The following FHIP1A variants were observed in gnomAD, a reference collection of about 807,000 sequenced individuals.
FHIP1A encodes FHF complex subunit HOOK interacting protein 1A, also known as FHF complex subunit HOOK-interacting protein 1A.
A neutral mutation model predicts 88.6 loss-of-function variants in FHIP1A; 61 were observed. That is an observed-to-expected ratio of 0.69 (90% CI 0.56 to 0.85). FHIP1A has a LOEUF of 0.85. Among genes scored for constraint, FHIP1A ranks in the 40% least tolerant of loss-of-function variants. The probability of loss-of-function intolerance (pLI) is 0.00; values close to 1 mark genes in which losing one functional copy is unlikely to be tolerated. For synonymous variants in FHIP1A, 478 were observed against 496.0 expected (o/e 0.96, Z 0.48); for missense variants, 1,154 against 1,273.5 (o/e 0.91, Z 1.43).
In FHIP1A at chr4:151,650,600, T is replaced by C; in HGVS notation, c.2551+8T>C. 7.2e-6 allele frequency: 11 copies of C among 1,538,276 alleles called. No individual in the cohort carries two copies. Among genetic ancestry groups the C allele is most frequent in the Non-Finnish European group, 8.8e-6 (10 of 1,140,812 alleles). ...AAAGCACCCCATTCACAGGTGACCA[T>C]CTTAAATTGCTTTGTGGTTTCTGCT... On this transcript the variant is annotated splice_region_variant and intron_variant, in intron 11 of 13. Coordinates refer to ENST00000435205, the MANE Select transcript of FHIP1A (RefSeq NM_001109977.3).
intron 4 of FHIP1A, among the ~76,000 whole-genome samples, chr4:151,570,703 C>T (rs1733568063): frequency 6.6e-6 from 1 of 152,210 alleles, no homozygotes; most frequent in Non-Finnish European, 1.5e-5. Flanking sequence ...TTGTAACTTA[C>T]ATCCCCATTG....
At chr4:151,494,900 C>T (rs1730406437) in intron 3 of FHIP1A, among the ~76,000 whole-genome samples, 2 of 152,248 alleles carry the variant, frequency 1.3e-5, no homozygotes, top group South Asian at 2.1e-4. Context: ...GTTTCACCTT[C>T]CTGGTTAGCT....
At chr4:151,596,118 G>T (rs1734638025) in intron 7 of FHIP1A, among the ~76,000 whole-genome samples, 1 of 152,174 alleles carries the variant, frequency 6.6e-6, no homozygotes, top group Admixed American at 6.5e-5. Flanking sequence ...TCTTCATAGT[G>T]TCAGTGGTCT....
rs1313944621 is a variant in FHIP1A, at chr4:151,649,936, A to G, written c.1895A>G (p.Tyr632Cys). The change falls in exon 11 of 14, where the codon TAC becomes TGC. Residue 632 changes from tyrosine (Y) to cysteine (C), a missense_variant. Coordinates refer to ENST00000435205, the MANE Select transcript of FHIP1A (RefSeq NM_001109977.3). Reference protein sequence around the residue: ...KNALLLFKGSYIEESDFQDDV... With the variant: ...KNALLLFKGSCIEESDFQDDV... ...GCCCTCCTGCTCTTCAAAGGGTCCT[A>G]CATAGAAGAGTCGGACTTTCAGGAT... 5.8e-6 allele frequency: 9 copies of G among 1,551,638 alleles called. No individual in the cohort carries two copies. Among genetic ancestry groups the G allele is most frequent in the Non-Finnish European group, 4.4e-6 (5 of 1,146,962 alleles).
At position 151,662,565 on chromosome 4, in the gene FHIP1A, G is replaced by C; in HGVS notation, c.2934G>C (p.Val978=). ...GKNLLDGPPR[V]LQPFLTHRTK... is the part of the protein sequence containing the mutation. ...ACCTTTTGGATGGACCTCCAAGAGTGCTTCAGCCCTTCCTGACCCACAGAA... is the reference window on the plus strand; with the variant it reads ...ACCTTTTGGATGGACCTCCAAGAGTCCTTCAGCCCTTCCTGACCCACAGAA... The change falls in exon 14 of 14, where the codon GTG becomes GTC. Residue 978 remains valine, a synonymous_variant. Transcript: ENST00000435205. The C allele has an allele frequency of 1.3e-6, 2 of 1,551,494 alleles. No individual in the cohort carries two copies. The highest frequency in any genetic ancestry group is 2.0e-5 in the Admixed American group (1 of 50,988).
In FHIP1A at chr4:151,665,928, G is replaced by A. The variant is rs995622028; in HGVS notation, c.*3174G>A. ...GGAAGAATGTAGGGGAAGAGAAACCGTGGGTACCGCCCGCTGGCGCAGCCC... is the reference window on the plus strand; with the variant it reads ...GGAAGAATGTAGGGGAAGAGAAACCATGGGTACCGCCCGCTGGCGCAGCCC... On this transcript the variant is annotated 3_prime_UTR_variant, in exon 14 of 14. Transcript: ENST00000435205. 1.3e-5 allele frequency among the ~76,000 whole-genome samples: 2 copies of A among 152,316 alleles called. No homozygotes were observed. Among genetic ancestry groups the A allele is most frequent in the Non-Finnish European group, 1.5e-5 (1 of 68,020 alleles).
At chr4:151,508,735 C>G in intron 3 of FHIP1A, among the ~76,000 whole-genome samples, 1 of 152,176 alleles carries the variant, frequency 6.6e-6, no homozygotes, top group East Asian at 1.9e-4. Context: ...GTCCTGGAAC[C>G]AGGTAATGCT....
chr4:151,570,304 G>A (rs542095717), intron 4 of FHIP1A, among the ~76,000 whole-genome samples: 3 of 152,006 alleles, frequency 2.0e-5, no homozygotes, highest in Non-Finnish European at 1.5e-5. Context: ...CCTCCCACTG[G>A]TTAAATGCCT....
In FHIP1A at chr4:151,552,064, A is replaced by G. The variant is rs186255213; in HGVS notation, c.-122-14074A>G. Among the ~76,000 whole-genome samples, 768 of 152,348 alleles carry G rather than the reference A, an allele frequency of 5.0e-3. 4 individuals are homozygous for G. The highest frequency in any genetic ancestry group is 0.01 in the Middle Eastern group (3 of 294). ...AAGAAGACATTTATGCAGCCAAAAAACAAATGAAAAAGTGCTCATCATCAC... is the reference window on the plus strand; with the variant it reads ...AAGAAGACATTTATGCAGCCAAAAAGCAAATGAAAAAGTGCTCATCATCAC... On this transcript the variant is annotated intron_variant, in intron 3 of 13. Transcript: ENST00000435205.
chr4:151,611,686 G>C (rs1352497963), intron 7 of FHIP1A, among the ~76,000 whole-genome samples: 1 of 152,114 alleles, frequency 6.6e-6, no homozygotes, highest in African/African-American at 2.4e-5. Context: ...ATAGCATTCT[G>C]TTTGTCTGAA....
rs146058912 is a variant in FHIP1A at position 151,535,065 on chromosome 4, A to C, written c.-122-31073A>C. On this transcript the variant is annotated intron_variant, in intron 3 of 13. Coordinates refer to ENST00000435205, the MANE Select transcript of FHIP1A (RefSeq NM_001109977.3). ...GACTGTCTCTACAAAAAGTAAAAAA[A>C]TCAGCCGGGTGTGGTGGTGCACACC... Among the ~76,000 whole-genome samples, 741 of 152,248 alleles carry C rather than the reference A, an allele frequency of 4.9e-3. 7 individuals carry two copies. Among genetic ancestry groups the C allele is most frequent in the African/African-American group, 0.017 (700 of 41,540 alleles).
At chr4:151,600,972 A>G (rs1734846358) in intron 7 of FHIP1A, among the ~76,000 whole-genome samples, 1 of 151,996 alleles carries the variant, frequency 6.6e-6, no homozygotes, top group Admixed American at 6.6e-5. Context: ...GAGGACAAAG[A>G]CCCCACCTCT....
intron 3 of FHIP1A, among the ~76,000 whole-genome samples, chr4:151,516,172 A>G (rs1252599656): frequency 6.6e-6 from 1 of 152,330 alleles, no homozygotes; most frequent in East Asian, 1.9e-4. Flanking sequence ...TTGATCTTTG[A>G]CAAACCTGAC....
At chr4:151,425,165 A>G (rs1473821681) in intron 1 of FHIP1A, among the ~76,000 whole-genome samples, 1 of 152,238 alleles carries the variant, frequency 6.6e-6, no homozygotes, top group Non-Finnish European at 1.5e-5. Flanking sequence ...GTTTCTTGCC[A>G]GAAAGCTGAA....
At chr4:151,565,601 C>T (rs1733354902) in intron 3 of FHIP1A, among the ~76,000 whole-genome samples, 1 of 151,934 alleles carries the variant, frequency 6.6e-6, no homozygotes, top group Non-Finnish European at 1.5e-5. Context: ...CAAATTAGAC[C>T]CAGGAATCTG....
Position 151,669,121 on chromosome 4 carries a change from G to C in FHIP1A, c.*6367G>C, listed in dbSNP as rs1737769128. The stretch of plus-strand genomic sequence containing the variant: ...GCAGAGCCATCTTTGCGAATTTCTT[G>C]GGGTGTTAATGTAAACATATCTTTA... On this transcript the variant is annotated 3_prime_UTR_variant, in exon 14 of 14. Coordinates refer to ENST00000435205, the MANE Select transcript of FHIP1A (RefSeq NM_001109977.3). Among the ~76,000 whole-genome samples the C allele has an allele frequency of 6.6e-6, 1 of 152,212 alleles. No homozygotes were observed. The highest frequency in any genetic ancestry group is 6.5e-5 in the Admixed American group (1 of 15,288).
chr4:151,430,833 C>T (rs989186733), intron 1 of FHIP1A, among the ~76,000 whole-genome samples: 4 of 152,156 alleles, frequency 2.6e-5, no homozygotes, highest in African/African-American at 7.2e-5. Context: ...GCTCTGTAAG[C>T]CTAACATTTT....
intron 7 of FHIP1A, among the ~76,000 whole-genome samples, chr4:151,620,477 T>C (rs1735695212): frequency 6.6e-6 from 1 of 152,224 alleles, no homozygotes; most frequent in Non-Finnish European, 1.5e-5. Context: ...GTCTTAAGCA[T>C]TTGACCCTGA....
intron 3 of FHIP1A, among the ~76,000 whole-genome samples, chr4:151,527,462 G>A (rs1035341026): frequency 2.6e-5 from 4 of 152,182 alleles, no homozygotes; most frequent in African/African-American, 9.7e-5. Flanking sequence ...GCAGTGAGCC[G>A]AGATGGCAGC....
Sources: gnomAD v4.1 joint callset for allele counts (sites outside exome capture counted in the v4.1 genomes callset) on GRCh38, gnomAD v4.1.1 for gene constraint, MANE v1.5 for transcripts, NCBI Gene and HGNC (gene_info 2026-07-23, HGNC 2026-07-21) for gene names.